The following CCDC138 variants were observed in gnomAD, a reference collection of about 807,000 sequenced individuals.
CCDC138 encodes the protein coiled-coil domain-containing protein 138.
CCDC138 carries 66 observed loss-of-function variants against 82.3 expected under a neutral mutation model. The ratio of observed to expected loss-of-function variants is 0.80; its 90% CI spans 0.66 to 0.98. CCDC138 has a LOEUF of 0.98. Ranked by LOEUF, CCDC138 falls within the 50% of genes least tolerant of loss-of-function variation. CCDC138 has a pLI of 0.00. For synonymous variants in CCDC138, 297 were observed against 265.4 expected (o/e 1.12, Z -1.16); for missense variants, 816 against 758.9 (o/e 1.08, Z -0.88).
At chr2:108,861,128 T>C (rs1693531647) in intron 13 of CCDC138, among the ~76,000 whole-genome samples, 1 of 151,608 alleles carries the variant, frequency 6.6e-6, no homozygotes, top group South Asian at 2.1e-4. Flanking sequence ...CATAGTAGTC[T>C]CTGAGGATTT....
intron 12 of CCDC138, among the ~76,000 whole-genome samples, chr2:108,848,014 T>C (rs1423171170): frequency 6.6e-6 from 1 of 152,134 alleles, no homozygotes. Context: ...CACGCTTACA[T>C]ACCCACAGGT....
At chr2:108,802,748 A>T (rs1265207928) in intron 6 of CCDC138, among the ~76,000 whole-genome samples, 1 of 149,844 alleles carries the variant, frequency 6.7e-6, no homozygotes, top group East Asian at 2.0e-4. Context: ...CCCATTCAGT[A>T]TGATATCGGC....
At position 108,812,709 on chromosome 2, in the gene CCDC138, G is replaced by GT; in HGVS notation, c.933+2dup. The GT allele has an allele frequency of 6.2e-7, 1 of 1,607,260 alleles. No individual in the cohort carries two copies. Among genetic ancestry groups the GT allele is most frequent in the Non-Finnish European group, 8.5e-7 (1 of 1,173,932 alleles). ...TCAAGCTCGTTTAGATAATTTACAG[G>GT]TAAGTTGCCTGTTCTTCTCTACAGA... On this transcript the variant is annotated splice_donor_variant, in intron 8 of 14. Transcript: ENST00000295124. LOFTEE classifies it high-confidence loss of function.
Position 108,796,674 on chromosome 2 carries a change from A to G in CCDC138, c.577-1754A>G, listed in dbSNP as rs147849792. Reference sequence around the variant, plus strand: ...ATGAAATCTTATCATTGACAGCAGCATAGATAGAATTGGAGGTCATTATAT... The same window carrying G: ...ATGAAATCTTATCATTGACAGCAGCGTAGATAGAATTGGAGGTCATTATAT... On this transcript the variant is annotated intron_variant, in intron 5 of 14. Transcript: ENST00000295124. 1.9e-3 allele frequency among the ~76,000 whole-genome samples: 288 copies of G among 152,324 alleles called. 2 individuals are homozygous for G. Among genetic ancestry groups the G allele is most frequent in the African/African-American group, 6.7e-3 (279 of 41,568 alleles).
intron 7 of CCDC138, among the ~76,000 whole-genome samples, chr2:108,810,266 G>T (rs1306481527): frequency 6.6e-6 from 1 of 152,188 alleles, no homozygotes; most frequent in Non-Finnish European, 1.5e-5. Flanking sequence ...TCAGTATGAT[G>T]TTAATTGTGT....
chr2:108,866,343 AAGC>A (rs1694412420), intron 13 of CCDC138, among the ~76,000 whole-genome samples: 1 of 152,196 alleles, frequency 6.6e-6, no homozygotes, highest in African/African-American at 2.4e-5. Context: ...CACATCTGCA[AAGC>A]ATTTGTCTTA....
intron 13 of CCDC138, among the ~76,000 whole-genome samples, chr2:108,863,805 A>T (rs1693985256): frequency 6.6e-6 from 1 of 152,324 alleles, no homozygotes; most frequent in East Asian, 1.9e-4. Flanking sequence ...CACTTCAGGG[A>T]TATGTGGCAC....
intron 4 of CCDC138, among the ~76,000 whole-genome samples, chr2:108,794,336 A>G (rs969354485): frequency 6.6e-6 from 1 of 151,764 alleles, no homozygotes; most frequent in African/African-American, 2.4e-5. Flanking sequence ...AGTTGCAAAG[A>G]TAGTGCAATC....
At chr2:108,817,719 C>A (rs1434084039) in intron 10 of CCDC138, among the ~76,000 whole-genome samples, 1 of 152,192 alleles carries the variant, frequency 6.6e-6, no homozygotes, top group Non-Finnish European at 1.5e-5. Context: ...AATGGATCCT[C>A]CCTTAGCCTC....
chr2:108,788,992 T>TG (rs765857281), intron 3 of CCDC138, 26 bp downstream of exon 3: 22 of 1,612,290 alleles, frequency 1.4e-5, no homozygotes, highest in Non-Finnish European at 1.9e-5. Context: ...ACTTTACTGT[T>TG]GCTACCCCCT....
intron 13 of CCDC138, among the ~76,000 whole-genome samples, chr2:108,862,106 T>C (rs1204786692): frequency 6.6e-6 from 1 of 151,506 alleles, no homozygotes. Flanking sequence ...GTTGAGACTT[T>C]CCTGAGCATG....
At chr2:108,876,041 ACT>A (rs1246910995) in intron 14 of CCDC138, 45 bp from the exon 15 acceptor site, 5 of 1,253,166 alleles carry the variant, frequency 4.0e-6, no homozygotes, top group Middle Eastern at 2.4e-4. Flanking sequence ...TTGCAGATAA[ACT>A]CTCTAAGTAT....
chr2:108,812,743 T>C lies in CCDC138; in HGVS notation c.933+35T>C. ...CTGTTCTTCTCTACAGACAGAAGTA[T>C]GTTTTTAGATGATTACCTTTGAGTT... On this transcript the variant is annotated intron_variant, in intron 8 of 14. Coordinates refer to ENST00000295124, the MANE Select transcript of CCDC138 (RefSeq NM_144978.3). 3 of 1,608,932 alleles carry C rather than the reference T, an allele frequency of 1.9e-6. No homozygotes were observed. In the South Asian group the frequency reaches 3.3e-5, roughly 18 times the overall value.
chr2:108,811,866 A>G (rs188746771), intron 7 of CCDC138, among the ~76,000 whole-genome samples: 26 of 152,280 alleles, frequency 1.7e-4, no homozygotes, highest in Admixed American at 1.7e-3. Context: ...GAGAACATAC[A>G]GTATTTAATT....
In CCDC138 at chr2:108,798,545, GT is replaced by G; in HGVS notation, c.696del (p.Glu233LysfsTer11). The G allele has an allele frequency of 6.2e-7, 1 of 1,613,486 alleles. No individual in the cohort carries two copies. The highest frequency in any genetic ancestry group is 8.5e-7 in the Non-Finnish European group (1 of 1,179,678). On this transcript the variant is annotated frameshift_variant, in exon 6 of 15. Transcript: ENST00000295124. LOFTEE classifies it high-confidence loss of function. Reference protein sequence around the residue: ...HENALSKIKGVEEEVLTRFQI... With the variant: ...HENALSKIKGXEEEVLTRFQI... ...AAATGCCTTGAGTAAAATTAAAGGT[GT>G]TGAAGAAGAGGTTCTTACAAGATTT... is the stretch of plus-strand genomic sequence containing the variant.
intron 13 of CCDC138, among the ~76,000 whole-genome samples, chr2:108,872,296 A>G (rs1445785254): frequency 6.6e-6 from 1 of 152,128 alleles, no homozygotes; most frequent in Non-Finnish European, 1.5e-5. Flanking sequence ...TACGCAGAAT[A>G]CATTCATTCC....
At chr2:108,827,207 A>C (rs1686760999) in intron 10 of CCDC138, among the ~76,000 whole-genome samples, 1 of 152,222 alleles carries the variant, frequency 6.6e-6, no homozygotes, top group Admixed American at 6.5e-5. Flanking sequence ...TAAAATAATA[A>C]TGTAAAGGAA....
intron 13 of CCDC138, among the ~76,000 whole-genome samples, chr2:108,865,066 C>T (rs1220006248): frequency 6.6e-6 from 1 of 152,110 alleles, no homozygotes; most frequent in Non-Finnish European, 1.5e-5. Context: ...GGAACAACTG[C>T]AGACACACAC....
In CCDC138 at chr2:108,787,528, G is replaced by T. The variant is rs989332276; in HGVS notation, c.94-504G>T. Reference sequence around the variant, plus strand: ...TAATATTTTCAGGAAATTTAGAATTGGTATAATATTTGGTAATCTAGAGTT... The same window carrying T: ...TAATATTTTCAGGAAATTTAGAATTTGTATAATATTTGGTAATCTAGAGTT... On this transcript the variant is annotated intron_variant, in intron 1 of 14. Transcript: ENST00000295124. Among the ~76,000 whole-genome samples the T allele has an allele frequency of 7.2e-5, 11 of 151,990 alleles. 1 individual carries two copies. Among genetic ancestry groups the T allele is most frequent in the Non-Finnish European group, 1.5e-5 (1 of 67,992 alleles).
Sources: allele counts gnomAD v4.1 joint callset (sites outside exome capture counted in the v4.1 genomes callset), GRCh38; gene constraint gnomAD v4.1.1; transcripts MANE v1.5; gene names NCBI Gene and HGNC (gene_info 2026-07-23, HGNC 2026-07-21).